TAFA5: variants seen among roughly 807,000 people sequenced by gnomAD.
TAFA5 encodes the protein chemokine-like protein TAFA-5.
TAFA5 carries 6 observed loss-of-function variants against 15.3 expected under a neutral mutation model. The observed-to-expected ratio is 0.39, with a 90% CI of 0.21 to 0.77. The LOEUF (loss-of-function observed/expected upper bound fraction) is 0.77. Ranked by LOEUF, TAFA5 falls within the 30% of genes least tolerant of loss-of-function variation. TAFA5 has a pLI of 0.41. For missense variants in TAFA5, 161 were observed against 193.1 expected (o/e 0.83, Z 0.98); for synonymous variants, 103 against 80.7 (o/e 1.28, Z -1.48).
intron 1 of TAFA5, among the ~76,000 whole-genome samples, chr22:48,592,207 T>G (rs1924594843): frequency 6.6e-6 from 1 of 152,170 alleles, no homozygotes; most frequent in African/African-American, 2.4e-5. Flanking sequence ...CAGGGCACTG[T>G]GCCAGCCTCC....
chr22:48,538,006 G>C (rs538147421), intron 1 of TAFA5, among the ~76,000 whole-genome samples: 1 of 152,244 alleles, frequency 6.6e-6, no homozygotes, highest in Admixed American at 6.5e-5. Context: ...TGTCACCAGC[G>C]CACGGTCAGC....
intron 1 of TAFA5, among the ~76,000 whole-genome samples, chr22:48,585,183 C>T (rs984162243): frequency 8.8e-5 from 13 of 147,796 alleles, no homozygotes; most frequent in African/African-American, 3.3e-4. Flanking sequence ...ACACACTGTG[C>T]ACACATACCA....
intron 1 of TAFA5, among the ~76,000 whole-genome samples, chr22:48,502,235 G>A (rs1307299996): frequency 6.6e-6 from 1 of 152,196 alleles, no homozygotes; most frequent in Non-Finnish European, 1.5e-5. Flanking sequence ...AATCTGCTTG[G>A]AGCTTTGTTG....
intron 1 of TAFA5, among the ~76,000 whole-genome samples, chr22:48,517,924 C>T (rs1921470866): frequency 6.6e-6 from 1 of 152,216 alleles, no homozygotes; most frequent in Non-Finnish European, 1.5e-5. Flanking sequence ...TGTGACGGTG[C>T]GGGGGCAGCC....
chr22:48,500,272 C>A (rs945289327), intron 1 of TAFA5, among the ~76,000 whole-genome samples: 1 of 152,184 alleles, frequency 6.6e-6, no homozygotes, highest in African/African-American at 2.4e-5. Flanking sequence ...TGACCCCACT[C>A]CCCTGTCCCT....
At chr22:48,554,918 G>T (rs133465) in intron 1 of TAFA5, among the ~76,000 whole-genome samples, 31,538 of 152,166 alleles carry the variant, frequency 0.21, 3,963 homozygotes, top group Non-Finnish European at 0.27. Flanking sequence ...CTGAGAGGGG[G>T]TCCTACGAGC....
intron 1 of TAFA5, among the ~76,000 whole-genome samples, chr22:48,631,595 A>C (rs1001042069): frequency 6.6e-6 from 1 of 152,204 alleles, no homozygotes; most frequent in Admixed American, 6.5e-5. Context: ...CCAGATGCAC[A>C]GCCCCGGCGT....
intron 1 of TAFA5, among the ~76,000 whole-genome samples, chr22:48,512,039 G>A (rs559136206): frequency 1.3e-5 from 2 of 152,294 alleles, no homozygotes; most frequent in Non-Finnish European, 2.9e-5. Flanking sequence ...TGATGGCCAC[G>A]GTTCAGGCGG....
intron 2 of TAFA5, among the ~76,000 whole-genome samples, chr22:48,655,830 CTTTTTTTTTT>C (rs1197219539): frequency 1.6e-4 from 10 of 62,400 alleles, no homozygotes; most frequent in East Asian, 6.5e-4. Flanking sequence ...AACACTGATT[CTTTTTTTTTT>C]TTTTTTTTTT....
chr22:48,527,009 G>A (rs1484905869), intron 1 of TAFA5, among the ~76,000 whole-genome samples: 1 of 152,116 alleles, frequency 6.6e-6, no homozygotes, highest in Non-Finnish European at 1.5e-5. Flanking sequence ...TCATGATGAG[G>A]CCCACTATAA....
intron 1 of TAFA5, among the ~76,000 whole-genome samples, chr22:48,645,082 T>C (rs963377469): frequency 2.0e-5 from 3 of 152,202 alleles, no homozygotes; most frequent in African/African-American, 7.2e-5. Context: ...CAGGCACTCA[T>C]TACCTACTCA....
chr22:48,576,973 G>T (rs539628031), intron 1 of TAFA5, among the ~76,000 whole-genome samples: 1 of 152,140 alleles, frequency 6.6e-6, no homozygotes, highest in Admixed American at 6.5e-5. Flanking sequence ...GCCGGGCTGG[G>T]GCGGGAGCGG....
intron 1 of TAFA5, among the ~76,000 whole-genome samples, chr22:48,635,568 G>C (rs1371656047): frequency 1.3e-5 from 2 of 152,180 alleles, no homozygotes; most frequent in African/African-American, 4.8e-5. Flanking sequence ...GTGTCTGTCT[G>C]GAGCCCTCCA....
chr22:48,681,743 G>T (rs925805260), intron 2 of TAFA5, among the ~76,000 whole-genome samples: 1 of 152,118 alleles, frequency 6.6e-6, no homozygotes, highest in Non-Finnish European at 1.5e-5. Flanking sequence ...CAGAACACAC[G>T]TGTAGTTATT....
chr22:48,625,775 G>A (rs778541823), intron 1 of TAFA5, among the ~76,000 whole-genome samples: 4 of 152,190 alleles, frequency 2.6e-5, no homozygotes, highest in Non-Finnish European at 5.9e-5. Context: ...AATGCATGAC[G>A]CTGTGTGTTC....
chr22:48,655,516 C>G (rs1016350225), intron 2 of TAFA5, among the ~76,000 whole-genome samples: 2 of 152,152 alleles, frequency 1.3e-5, no homozygotes, highest in African/African-American at 4.8e-5. Flanking sequence ...GGTGGAAGGG[C>G]AGAAGGGGGC....
At chr22:48,642,490 C>T (rs569384822) in intron 1 of TAFA5, among the ~76,000 whole-genome samples, 133 of 152,278 alleles carry the variant, frequency 8.7e-4, no homozygotes, top group Middle Eastern at 3.4e-3. Flanking sequence ...AGCAGAGGGG[C>T]GGTCAGCACT....
At position 48,565,170 on chromosome 22, in the gene TAFA5, C is replaced by T. The variant is rs570771109; in HGVS notation, c.112+75466C>T. 4.3e-4 allele frequency among the ~76,000 whole-genome samples: 65 copies of T among 152,334 alleles called. No individual in the cohort carries two copies. The Middle Eastern group carries it at 0.01, about 24-fold the overall frequency. ...CTGCCATGTGAGGGCATGTGGGCTC[C>T]GGCTTGAGGCAGGCCCAGGGAACAG... On this transcript the variant is annotated intron_variant, in intron 1 of 3. Coordinates refer to ENST00000402357, the MANE Select transcript of TAFA5 (RefSeq NM_001082967.3).
intron 1 of TAFA5, among the ~76,000 whole-genome samples, chr22:48,605,340 TGATGGC>T (rs1925143580): frequency 3.5e-5 from 5 of 141,412 alleles, no homozygotes; most frequent in African/African-American, 1.1e-4. Flanking sequence ...GTGATGATGG[TGATGGC>T]GATGGTGATG....
Sources: gnomAD v4.1 joint callset for allele counts (sites outside exome capture counted in the v4.1 genomes callset) on GRCh38, gnomAD v4.1.1 for gene constraint, MANE v1.5 for transcripts, NCBI Gene and HGNC (gene_info 2026-07-23, HGNC 2026-07-21) for gene names.